The following HDAC8 variants were observed in gnomAD, a reference collection of about 807,000 sequenced individuals.
HDAC8 encodes histone deacetylase-like 1.
In HDAC8, 1 loss-of-function variant was observed where a neutral mutation model predicts 32.2. That is an observed-to-expected ratio of 0.03 (90% CI 0.01 to 0.15). The LOEUF is 0.15. HDAC8 is among the 10% of genes least tolerant of loss of function. HDAC8 has a pLI of 1.00. For missense variants in HDAC8, 117 were observed against 300.0 expected, an observed-to-expected ratio of 0.39 and a Z score of 4.51; for synonymous variants, 108 against 113.9, an observed-to-expected ratio of 0.95 and a Z score of 0.33.
chrX:72,335,448 G>C (rs782341209), intron 10 of HDAC8, among the ~76,000 whole-genome samples: 30 of 111,784 alleles, frequency 2.7e-4, no homozygotes, highest in Non-Finnish European at 5.4e-4. Flanking sequence ...CTTCTTTCAA[G>C]ATGCATTTAA....
At chrX:72,560,925 AAT>A (rs1244349049) in intron 4 of HDAC8, among the ~76,000 whole-genome samples, 1 of 111,370 alleles carries the variant, frequency 9.0e-6, no homozygotes, top group Admixed American at 9.5e-5. Context: ...ATCTTTTAAA[AAT>A]ATGATTAAAA....
chrX:72,536,055 T>C (rs1431518415), intron 4 of HDAC8, among the ~76,000 whole-genome samples: 1 of 111,865 alleles, frequency 8.9e-6, no homozygotes, highest in Non-Finnish European at 1.9e-5. Flanking sequence ...GATGTTTCCA[T>C]GCCTAATGTC....
Position 72,403,097 on chromosome X carries a change from C to A in HDAC8, c.1006-51259G>T, listed in dbSNP as rs782185981. Among the ~76,000 whole-genome samples the A allele has an allele frequency of 2.0e-4, 22 of 111,568 alleles. No individual in the cohort carries two copies. The South Asian group carries it at 8.2e-3, about 42-fold the overall frequency. On this transcript the variant is annotated intron_variant, in intron 9 of 10. Transcript: ENST00000373573. ...TTGGATCTTGCTTTTTTAAAAAAAT[C>A]TCATCTGACAATATTTACCTTTTGA...
intron 4 of HDAC8, among the ~76,000 whole-genome samples, chrX:72,512,252 C>A (rs968668260): frequency 3.6e-5 from 4 of 111,060 alleles, no homozygotes; most frequent in Non-Finnish European, 5.7e-5. Context: ...TGTGATGCTT[C>A]AGTCTCAGGT....
rs186718035 is a variant in HDAC8 at position 72,562,048 on chromosome X, G to A, written c.437+5841C>T. Among the ~76,000 whole-genome samples, 23 of 112,229 alleles carry A rather than the reference G, an allele frequency of 2.0e-4. 1 individual carries two copies. Among genetic ancestry groups the A allele is most frequent in the Admixed American group, 1.9e-3 (20 of 10,648 alleles). ...AAAAATAATAGATGTTGTTATGGAT[G>A]TGGTGAAAAGGGAACACTTTTACAC... On this transcript the variant is annotated intron_variant, in intron 4 of 10. Coordinates refer to ENST00000373573, the MANE Select transcript of HDAC8 (RefSeq NM_018486.3).
intron 4 of HDAC8, among the ~76,000 whole-genome samples, chrX:72,552,031 A>ATTATAT (rs1556072853): frequency 3.6e-5 from 4 of 112,505 alleles, no homozygotes; most frequent in African/African-American, 1.3e-4. Context: ...CTCTGACCAC[A>ATTATAT]CTGCATTATA....
chrX:72,365,096 A>AT (rs1446755998), intron 9 of HDAC8, among the ~76,000 whole-genome samples: 9 of 111,137 alleles, frequency 8.1e-5, no homozygotes, highest in East Asian at 5.7e-4. Flanking sequence ...TGTATTTTGA[A>AT]TTTTTTTTCA....
intron 4 of HDAC8, among the ~76,000 whole-genome samples, chrX:72,506,024 T>C (rs1327047088): frequency 8.9e-6 from 1 of 111,749 alleles, no homozygotes; most frequent in East Asian, 2.8e-4. Context: ...CAAATCCCTA[T>C]TGGGACTCTA....
chrX:72,483,799 A>G (rs1488993367), intron 7 of HDAC8, among the ~76,000 whole-genome samples: 1 of 111,770 alleles, frequency 8.9e-6, no homozygotes, highest in Non-Finnish European at 1.9e-5. Flanking sequence ...TGCCATAAAC[A>G]TATAATATAA....
intron 9 of HDAC8, among the ~76,000 whole-genome samples, chrX:72,362,758 T>C (rs2044592606): frequency 8.9e-6 from 1 of 112,276 alleles, no homozygotes; most frequent in South Asian, 3.7e-4. Context: ...GTAGTAAAAT[T>C]GGATTTCTTT....
intron 9 of HDAC8, among the ~76,000 whole-genome samples, chrX:72,442,232 G>A (rs1475456598): frequency 9.0e-6 from 1 of 110,807 alleles, no homozygotes; most frequent in African/African-American, 3.3e-5. Context: ...ACACGTAATT[G>A]TCAGATTCAC....
At chrX:72,479,830 C>T (rs975448576) in intron 7 of HDAC8, among the ~76,000 whole-genome samples, 1 of 112,087 alleles carries the variant, frequency 8.9e-6, no homozygotes, top group Admixed American at 9.4e-5. Flanking sequence ...AACACCGGTT[C>T]GCCACTGCAA....
chrX:72,449,446 A>T (rs782267646), intron 9 of HDAC8, among the ~76,000 whole-genome samples: 18 of 110,608 alleles, frequency 1.6e-4, no homozygotes, highest in Non-Finnish European at 3.0e-4. Flanking sequence ...GGCCTAGGGG[A>T]GGGAGAGCAT....
chrX:72,383,354 T>C, intron 9 of HDAC8, among the ~76,000 whole-genome samples: 1 of 112,304 alleles, frequency 8.9e-6, no homozygotes, highest in Non-Finnish European at 1.9e-5. Flanking sequence ...GATACACCTC[T>C]CTAAAAGTTT....
chrX:72,350,259 G>A (rs2044140318), intron 10 of HDAC8, among the ~76,000 whole-genome samples: 1 of 111,691 alleles, frequency 9.0e-6, no homozygotes, highest in African/African-American at 3.3e-5. Flanking sequence ...ACGCCTCAGA[G>A]GGGACAATCA....
chrX:72,361,720 A>C (rs2044557533), intron 9 of HDAC8, among the ~76,000 whole-genome samples: 1 of 71,835 alleles, frequency 1.4e-5, no homozygotes, highest in Non-Finnish European at 2.3e-5. Context: ...GCTGAGTACC[A>C]AAAAAAAAAA....
chrX:72,370,756 C>G (rs2044849719), intron 9 of HDAC8, among the ~76,000 whole-genome samples: 1 of 112,081 alleles, frequency 8.9e-6, no homozygotes, highest in Admixed American at 9.4e-5. Context: ...ACTGAAAAAC[C>G]TGGAGTCTGA....
At chrX:72,369,006 C>G (rs1042639973) in intron 9 of HDAC8, among the ~76,000 whole-genome samples, 9 of 111,388 alleles carry the variant, frequency 8.1e-5, no homozygotes, top group Non-Finnish European at 1.7e-4. Flanking sequence ...GCAGAGGCAG[C>G]CTGACAATGT....
intron 7 of HDAC8, among the ~76,000 whole-genome samples, chrX:72,483,161 G>T (rs1410764962): frequency 8.9e-6 from 1 of 112,022 alleles, no homozygotes; most frequent in Non-Finnish European, 1.9e-5. Flanking sequence ...AAACTATGTA[G>T]CTTGGTAGCT....
Sources: allele counts gnomAD v4.1 joint callset (sites outside exome capture counted in the v4.1 genomes callset), GRCh38; gene constraint gnomAD v4.1.1; transcripts MANE v1.5; gene names NCBI Gene and HGNC (gene_info 2026-07-23, HGNC 2026-07-21).